Variants in PRPF18 observed in about 807,000 individuals in gnomAD.
The protein encoded by PRPF18 is pre-mRNA-splicing factor 18.
Under a neutral mutation model 46.5 loss-of-function variants are expected in PRPF18, and 38 were observed. The ratio of observed to expected loss-of-function variants is 0.82; its 90% CI spans 0.63 to 1.07. The LOEUF (loss-of-function observed/expected upper bound fraction) is 1.07, where lower values mean the gene tolerates loss of function less well. PRPF18 is among the 50% of genes least tolerant of loss of function. PRPF18 has a pLI of 0.00. For synonymous variants in PRPF18, 152 were observed against 146.7 expected, an observed-to-expected ratio of 1.04 and a Z score of -0.26; for missense variants, 263 against 410.0, an observed-to-expected ratio of 0.64 and a Z score of 3.10.
intron 3 of PRPF18, among the ~76,000 whole-genome samples, chr10:13,600,801 G>A (rs1035216352): frequency 6.6e-6 from 1 of 152,122 alleles, no homozygotes; most frequent in Non-Finnish European, 1.5e-5. Flanking sequence ...TTTTGAGACA[G>A]AGTCTCACTG....
At chr10:13,613,615 G>C (rs150820470) in intron 6 of PRPF18, 126 bp from the exon 7 acceptor site, 1 of 1,038,102 alleles carries the variant, frequency 9.6e-7, no homozygotes, top group Non-Finnish European at 1.4e-6. Flanking sequence ...ATATTATTTG[G>C]TGGCATTTTA....
the PRPF18 span, chr10:13,636,903 G>A: frequency 3.3e-5 from 5 of 152,192 alleles, no homozygotes; most frequent in African/African-American, 9.6e-5. Context: ...GAACACTTTC[G>A]TCATTCCAAA....
the PRPF18 span, chr10:13,637,900 C>T: frequency 6.6e-6 from 1 of 152,116 alleles, no homozygotes; most frequent in African/African-American, 2.4e-5. Flanking sequence ...TTTTGTTTTG[C>T]TTCTTTTGAT....
At chr10:13,611,476 C>T in intron 5 of PRPF18, 139 bp from the exon 6 acceptor site, 1 of 670,706 alleles carries the variant, frequency 1.5e-6, no homozygotes. Context: ...GGTTTCTTAT[C>T]TAGAAATTCC....
rs1333327629 is a variant in PRPF18 at position 13,587,095 on chromosome 10, T to G, written c.9T>G (p.Ile3Met). 1 of 1,613,962 alleles carries G rather than the reference T, an allele frequency of 6.2e-7. No individual in the cohort carries two copies. Reference sequence around the variant, plus strand: ...TAAATTCTGGCGGCGAGATGGACATTCTGAAATCAGAGATCCTTCGGAAGC... The same window carrying G: ...TAAATTCTGGCGGCGAGATGGACATGCTGAAATCAGAGATCCTTCGGAAGC... MD[I>M]LKSEILRKRQ... Residue 3 changes from isoleucine (I) to methionine (M), a missense_variant, in exon 1 of 10, where the codon ATT (isoleucine) becomes ATG (methionine). Ile to Met is a conservative substitution (Grantham distance 10). Around this residue, in one of 4 missense-constraint regions of PRPF18, gnomAD observed 71 missense variants for 69.2 expected, o/e 1.03. Transcript: ENST00000378572.
intron 9 of PRPF18, among the ~76,000 whole-genome samples, chr10:13,620,392 T>A (rs1002364485): frequency 6.6e-6 from 1 of 152,226 alleles, no homozygotes; most frequent in Admixed American, 6.5e-5. Context: ...TGAAAATCAT[T>A]TAATAATTAT....
At position 13,630,385 on chromosome 10, in the gene PRPF18, C is replaced by A; in HGVS notation, c.*45C>A. On this transcript the variant is annotated 3_prime_UTR_variant, in exon 10 of 10. Transcript: ENST00000378572. ...AATAACAATAAGAAACTTAGGGAAGCAGGCTGTGGACTTCTGGAATTACCA... is the reference window on the plus strand; with the variant it reads ...AATAACAATAAGAAACTTAGGGAAGAAGGCTGTGGACTTCTGGAATTACCA... 6.8e-7 allele frequency: 1 copy of A among 1,477,198 alleles called. No individual in the cohort carries two copies. Among genetic ancestry groups the A allele is most frequent in the Non-Finnish European group, 9.4e-7 (1 of 1,064,606 alleles). The allele number at this position is 1,477,198 out of a possible 1,614,324, so 91.5% of individuals were successfully genotyped here. A position where few individuals can be genotyped will look rare whatever the true frequency, so the allele number is the denominator to read the frequency against.
chr10:13,653,338 A>C, the PRPF18 span: 2 of 152,238 alleles, frequency 1.3e-5, no homozygotes, highest in Admixed American at 1.3e-4. Flanking sequence ...ACGTGGTGAA[A>C]CCCTGTCTCT....
chr10:13,605,330 TC>T lies in PRPF18; in HGVS notation c.250-298del, dbSNP rs1435426384. Among the ~76,000 whole-genome samples the T allele has an allele frequency of 2.0e-5, 3 of 152,256 alleles. No homozygotes were observed. The East Asian group carries it at 5.8e-4, about 29-fold the overall frequency. On this transcript the variant is annotated intron_variant, in intron 3 of 9. Transcript: ENST00000378572. ...TGGGCACATTAGCTCACGCCTGTAA[TC>T]CCAGCACTTTGGGAGCCCGAGGCAG... is the stretch of plus-strand genomic sequence containing the variant.
At chr10:13,616,298 C>A in intron 8 of PRPF18, 100 bp from the exon 9 acceptor site, 1 of 1,290,926 alleles carries the variant, frequency 7.7e-7, no homozygotes, top group Non-Finnish European at 1.1e-6. Flanking sequence ...AAAAGGTGGA[C>A]GAAAATTACA....
chr10:13,631,607 G>A (rs1466697338), downstream of PRPF18: 1 of 152,250 alleles, frequency 6.6e-6, no homozygotes, highest in South Asian at 2.1e-4. Context: ...TGTCATTAGA[G>A]GGAAGCCAGA....
At chr10:13,591,160 C>G (rs561523298) in intron 1 of PRPF18, among the ~76,000 whole-genome samples, 4 of 152,168 alleles carry the variant, frequency 2.6e-5, no homozygotes, top group Non-Finnish European at 5.9e-5. Context: ...GGAACATACA[C>G]AACTAGGCGT....
chr10:13,625,493 G>A (rs1309236393), intron 9 of PRPF18, among the ~76,000 whole-genome samples: 2 of 152,030 alleles, frequency 1.3e-5, no homozygotes, highest in Admixed American at 1.3e-4. Flanking sequence ...AAGCAGGAAA[G>A]GTAAGAAAAT....
the PRPF18 span, chr10:13,639,478 G>C: frequency 6.6e-6 from 1 of 151,900 alleles, no homozygotes; most frequent in Non-Finnish European, 1.5e-5. Flanking sequence ...TATTACTACA[G>C]TTCCGTCTGA....
At chr10:13,607,681 G>A (rs2080210687) in intron 4 of PRPF18, among the ~76,000 whole-genome samples, 1 of 152,048 alleles carries the variant, frequency 6.6e-6, no homozygotes, top group Non-Finnish European at 1.5e-5. Context: ...GAAGTGCCCG[G>A]GCCAGAAGTT....
At chr10:13,655,537 G>C in the PRPF18 span, 3 of 111,552 alleles carry the variant, frequency 2.7e-5, no homozygotes, top group African/African-American at 1.4e-4. Context: ...CATTTGGCCA[G>C]TGGACCCTAA....
At chr10:13,594,986 G>A (rs531336084) in intron 1 of PRPF18, among the ~76,000 whole-genome samples, 25 of 152,332 alleles carry the variant, frequency 1.6e-4, no homozygotes, top group Non-Finnish European at 2.6e-4. Flanking sequence ...CTCAAAGGTT[G>A]AGATTTAGGA....
intron 4 of PRPF18, among the ~76,000 whole-genome samples, chr10:13,606,988 A>G (rs2080196182): frequency 6.6e-6 from 1 of 152,172 alleles, no homozygotes; most frequent in African/African-American, 2.4e-5. Context: ...GTCTGGTAGT[A>G]GCTCTTTGCG....
the PRPF18 span, chr10:13,646,700 T>C: frequency 6.5e-6 from 1 of 152,744 alleles, no homozygotes; most frequent in African/African-American, 2.4e-5. Context: ...CCATTGAGGA[T>C]TGGTGTCTGG....
Sources: gnomAD v4.1 joint callset for allele counts (sites outside exome capture counted in the v4.1 genomes callset) on GRCh38, gnomAD v4.1.1 for gene constraint, gnomAD v4.1.1 regional missense constraint, MANE v1.5 for transcripts, NCBI Gene and HGNC (gene_info 2026-07-23, HGNC 2026-07-21) for gene names.